Variants in ABCA1 observed in about 807,000 individuals in gnomAD.
The protein encoded by ABCA1 is phospholipid-transporting ATPase ABCA1.
ABCA1 carries 133 observed loss-of-function variants against 262.5 expected under a neutral mutation model. The observed-to-expected ratio is 0.51, with a 90% CI of 0.44 to 0.59. The LOEUF (loss-of-function observed/expected upper bound fraction) is 0.59. Ranked by LOEUF, ABCA1 falls within the 20% of genes least tolerant of loss-of-function variation. The probability of loss-of-function intolerance (pLI) is 0.00; values close to 1 mark genes in which losing one functional copy is unlikely to be tolerated. For synonymous variants in ABCA1, 1,022 were observed against 1,043.5 expected (o/e 0.98, Z 0.40); for missense variants, 2,452 against 2,777.5 (o/e 0.88, Z 2.63).
At chr9:104,900,736 C>G (rs1266241605) in intron 2 of ABCA1, among the ~76,000 whole-genome samples, 1 of 152,214 alleles carries the variant, frequency 6.6e-6, no homozygotes, top group Non-Finnish European at 1.5e-5. Context: ...ACCTGTGCCC[C>G]CCTGAGCCCC....
At position 104,810,936 on chromosome 9, in the gene ABCA1, C is replaced by G. The variant is rs1231617671; in HGVS notation, c.4051-12G>C. ...GCTGGCAAGACAATCTTTACCCAGG[C>G]AGTGGAGGGGGCAGGGGGACAGCAG... is the stretch of plus-strand genomic sequence containing the variant. On this transcript the variant is annotated splice_polypyrimidine_tract_variant and intron_variant, in intron 28 of 49. Coordinates refer to ENST00000374736, the MANE Select transcript of ABCA1 (RefSeq NM_005502.4). The G allele has an allele frequency of 6.2e-7, 1 of 1,614,092 alleles. No homozygotes were observed. Among genetic ancestry groups the G allele is most frequent in the South Asian group, 1.1e-5 (1 of 91,080 alleles).
intron 29 of ABCA1, among the ~76,000 whole-genome samples, chr9:104,810,310 T>C (rs59587242): frequency 6.3e-4 from 96 of 152,112 alleles, no homozygotes; most frequent in African/African-American, 2.3e-3. Context: ...ATTTAATGTA[T>C]TGTTACAGAG....
At chr9:104,910,586 G>T (rs557342460) in intron 1 of ABCA1, among the ~76,000 whole-genome samples, 1 of 152,316 alleles carries the variant, frequency 6.6e-6, no homozygotes, top group African/African-American at 2.4e-5. Flanking sequence ...AAACAAGAGA[G>T]TATGTGTGTG....
intron 5 of ABCA1, among the ~76,000 whole-genome samples, chr9:104,867,297 G>A (rs990052862): frequency 2.6e-5 from 4 of 152,206 alleles, no homozygotes; most frequent in African/African-American, 9.6e-5. Context: ...CACCTCATTG[G>A]ACTGAGCTAG....
At chr9:104,822,780 C>A in intron 18 of ABCA1, 113 bp from the exon 19 acceptor site, 1 of 1,257,762 alleles carries the variant, frequency 8.0e-7, no homozygotes, top group East Asian at 2.4e-5. Flanking sequence ...CCATGTCCAC[C>A]CTGGTTTCTC....
At chr9:104,866,490 T>A (rs1837101078) in intron 5 of ABCA1, among the ~76,000 whole-genome samples, 1 of 151,922 alleles carries the variant, frequency 6.6e-6, no homozygotes, top group African/African-American at 2.4e-5. Context: ...TGTGACTTTT[T>A]TTTTTTTTAA....
chr9:104,891,013 T>G (rs1252632298), intron 2 of ABCA1, among the ~76,000 whole-genome samples: 1 of 152,148 alleles, frequency 6.6e-6, no homozygotes, highest in Non-Finnish European at 1.5e-5. Flanking sequence ...TGTATTCTGT[T>G]TTTTCATTTA....
intron 43 of ABCA1, 67 bp from the exon 44 acceptor site, chr9:104,791,095 T>C (rs1829386836): frequency 9.3e-7 from 1 of 1,079,614 alleles, no homozygotes; most frequent in African/African-American, 1.5e-5. Flanking sequence ...CCCTAACACG[T>C]AACTACCTCA....
chr9:104,922,225 G>C (rs1222425688), intron 1 of ABCA1, among the ~76,000 whole-genome samples: 1 of 152,188 alleles, frequency 6.6e-6, no homozygotes, highest in Non-Finnish European at 1.5e-5. Flanking sequence ...TCAATTTTAT[G>C]TAAGCTTTTC....
In ABCA1 at chr9:104,783,115, A is replaced by G. The variant is rs1230207449; in HGVS notation, c.*1200T>C. The G allele has an allele frequency of 6.6e-6, 1 of 152,302 alleles. No individual in the cohort carries two copies. The highest frequency in any genetic ancestry group is 1.9e-4 in the East Asian group (1 of 5,194). The allele number at this position is 152,302 out of a possible 1,614,324, so 9.4% of individuals were successfully genotyped here. A position where few individuals can be genotyped will look rare whatever the true frequency, so the allele number is the denominator to read the frequency against. On this transcript the variant is annotated 3_prime_UTR_variant, in exon 50 of 50. Coordinates refer to ENST00000374736, the MANE Select transcript of ABCA1 (RefSeq NM_005502.4). ...AATGTCATGAGATCCTGACCATCAC[A>G]TTGCTTTCTAGGCACTAGTCATGAC...
intron 1 of ABCA1, among the ~76,000 whole-genome samples, chr9:104,926,546 G>C (rs548060657): frequency 5.3e-5 from 8 of 152,096 alleles, no homozygotes; most frequent in African/African-American, 1.9e-4. Context: ...GTCTTCACCG[G>C]ATTCACAGTC....
intron 2 of ABCA1, among the ~76,000 whole-genome samples, chr9:104,899,672 C>T (rs147115468): frequency 0.022 from 3,348 of 151,244 alleles, 122 homozygotes; most frequent in African/African-American, 0.078. Context: ...CCAGCCTGGG[C>T]AATAGAGTGA....
At chr9:104,832,540 A>C in intron 12 of ABCA1, 34 bp downstream of exon 12, 3 of 1,611,264 alleles carry the variant, frequency 1.9e-6, no homozygotes, top group Non-Finnish European at 2.5e-6. Context: ...GAAGCCGTTA[A>C]GTCTTTTCTA....
In ABCA1 at chr9:104,888,058, G is replaced by GGTGTGTGTGTGT. The variant is rs10693809; in HGVS notation, c.160+1032_160+1043dup. Among the ~76,000 whole-genome samples the GGTGTGTGTGTGT allele has an allele frequency of 1.6e-4, 22 of 140,302 alleles. 1 individual carries two copies. The highest frequency in any genetic ancestry group is 8.7e-4 in the South Asian group (4 of 4,596). 92.0% of individuals were successfully genotyped at this position (140,302 alleles called of 152,430 possible). On this transcript the variant is annotated intron_variant, in intron 3 of 49. Transcript: ENST00000374736. Reference sequence around the variant, plus strand: ...ACGTCTCAGAAAATGTTTCTTGAGGGGTGTGTGTGTGTGTGTGTGTGTGTG... The same window carrying GGTGTGTGTGTGT: ...ACGTCTCAGAAAATGTTTCTTGAGGGGTGTGTGTGTGTGTGTGTGTGTGTGTGTGTGTGTGTG...
chr9:104,824,061 C>A (rs899496952), intron 18 of ABCA1, among the ~76,000 whole-genome samples: 3 of 152,142 alleles, frequency 2.0e-5, no homozygotes, highest in Non-Finnish European at 4.4e-5. Context: ...TCTGTGGTAG[C>A]CACTTGGTCT....
intron 5 of ABCA1, among the ~76,000 whole-genome samples, chr9:104,881,149 A>G (rs1841980428): frequency 6.6e-6 from 1 of 151,998 alleles, no homozygotes; most frequent in South Asian, 2.1e-4. Flanking sequence ...CTCTGTCTTA[A>G]AAGAAAAGAA....
In ABCA1 at chr9:104,787,903, T is replaced by A; in HGVS notation, c.6204+17A>T. 1 of 1,613,824 alleles carries A rather than the reference T, an allele frequency of 6.2e-7. No homozygotes were observed. Among genetic ancestry groups the A allele is most frequent in the Non-Finnish European group, 8.5e-7 (1 of 1,179,848 alleles). ...CTCAGGCCAGAACAACAGTTTTCCATCCACAGTTATACTCACCAGAAACAC... is the reference window on the plus strand; with the variant it reads ...CTCAGGCCAGAACAACAGTTTTCCAACCACAGTTATACTCACCAGAAACAC... On this transcript the variant is annotated intron_variant, in intron 46 of 49. Coordinates refer to ENST00000374736, the MANE Select transcript of ABCA1 (RefSeq NM_005502.4).
intron 1 of ABCA1, among the ~76,000 whole-genome samples, chr9:104,914,992 C>T (rs1841755410): frequency 6.6e-6 from 1 of 152,170 alleles, no homozygotes; most frequent in East Asian, 1.9e-4. Context: ...GGGCACCTTC[C>T]CCGGAGGTTC....
At chr9:104,815,874 T>C (rs1313683031) in intron 25 of ABCA1, among the ~76,000 whole-genome samples, 1 of 151,932 alleles carries the variant, frequency 6.6e-6, no homozygotes, top group Non-Finnish European at 1.5e-5. Flanking sequence ...TGCATAGGAG[T>C]TTAAGGTTGG....
Sources: gnomAD v4.1 joint callset for allele counts (sites outside exome capture counted in the v4.1 genomes callset) on GRCh38, gnomAD v4.1.1 for gene constraint, MANE v1.5 for transcripts, NCBI Gene and HGNC (gene_info 2026-07-23, HGNC 2026-07-21) for gene names.